The following MAPKAP1 variants were observed in gnomAD, a reference collection of about 807,000 sequenced individuals.
MAPKAP1 encodes the protein MAPK associated protein 1.
MAPKAP1 carries 20 observed loss-of-function variants against 65.7 expected under a neutral mutation model. That is an observed-to-expected ratio of 0.30 (90% CI 0.21 to 0.44). The LOEUF is 0.44. Among genes scored for constraint, MAPKAP1 ranks in the 20% least tolerant of loss-of-function variants. The pLI is 1.00. For missense variants in MAPKAP1, 423 were observed against 648.0 expected (o/e 0.65, Z 3.77); for synonymous variants, 222 against 244.3 (o/e 0.91, Z 0.85).
intron 7 of MAPKAP1, among the ~76,000 whole-genome samples, chr9:125,511,954 G>A (rs888274532): frequency 6.6e-6 from 1 of 152,142 alleles, no homozygotes; most frequent in Non-Finnish European, 1.5e-5. Context: ...GAATGGCCTA[G>A]GAACAAAATA....
intron 8 of MAPKAP1, among the ~76,000 whole-genome samples, chr9:125,485,267 A>G (rs1337923240): frequency 6.6e-6 from 1 of 152,152 alleles, no homozygotes; most frequent in Non-Finnish European, 1.5e-5. Flanking sequence ...CCTCCTGGTC[A>G]CCAGGCTCTT....
At chr9:125,578,949 T>G (rs1294385421) in intron 5 of MAPKAP1, among the ~76,000 whole-genome samples, 1 of 152,146 alleles carries the variant, frequency 6.6e-6, no homozygotes, top group African/African-American at 2.4e-5. Flanking sequence ...ACCAAAAAAT[T>G]ATAGCATAGT....
intron 7 of MAPKAP1, among the ~76,000 whole-genome samples, chr9:125,541,747 A>G (rs993227509): frequency 2.0e-5 from 3 of 152,210 alleles, no homozygotes; most frequent in African/African-American, 7.2e-5. Flanking sequence ...ATCCCAGCTA[A>G]CGACTTGTTC....
chr9:125,619,374 T>G (rs918883989), intron 4 of MAPKAP1, among the ~76,000 whole-genome samples: 13 of 151,836 alleles, frequency 8.6e-5, no homozygotes, highest in Admixed American at 6.6e-5. Context: ...TTTACAAAAA[T>G]CTGCATTTTG....
intron 4 of MAPKAP1, among the ~76,000 whole-genome samples, chr9:125,646,851 T>A (rs1336792122): frequency 6.6e-6 from 1 of 152,222 alleles, no homozygotes; most frequent in Non-Finnish European, 1.5e-5. Flanking sequence ...CAGTGAAATT[T>A]TATCACAGCT....
At chr9:125,517,332 C>T (rs1484664674) in intron 7 of MAPKAP1, among the ~76,000 whole-genome samples, 2 of 152,090 alleles carry the variant, frequency 1.3e-5, no homozygotes, top group Non-Finnish European at 1.5e-5. Context: ...GTCCATCAAC[C>T]CTCACAGCAG....
chr9:125,489,671 C>T (rs1193256421), intron 8 of MAPKAP1, among the ~76,000 whole-genome samples: 2 of 152,052 alleles, frequency 1.3e-5, no homozygotes, highest in Admixed American at 1.3e-4. Context: ...AATGAGGCCT[C>T]ACACCTGTCT....
chr9:125,607,020 A>C (rs1013327739), intron 4 of MAPKAP1, among the ~76,000 whole-genome samples: 5 of 152,216 alleles, frequency 3.3e-5, no homozygotes, highest in African/African-American at 1.2e-4. Context: ...CATCTTTCTA[A>C]GCCTCAGTTT....
intron 8 of MAPKAP1, among the ~76,000 whole-genome samples, chr9:125,503,411 C>G (rs1387661643): frequency 6.6e-6 from 1 of 152,200 alleles, no homozygotes; most frequent in Non-Finnish European, 1.5e-5. Flanking sequence ...AGGCGTTGAT[C>G]TCTTTTGTTT....
intron 5 of MAPKAP1, chr9:125,573,060 C>T (rs1831284659): frequency 7.1e-6 from 1 of 140,200 alleles, no homozygotes; most frequent in Non-Finnish European, 1.5e-5. Context: ...ATCTTCATCC[C>T]TCTGCAACTC....
intron 4 of MAPKAP1, among the ~76,000 whole-genome samples, chr9:125,616,599 GTTCAAT>G (rs1320278882): frequency 2.0e-5 from 3 of 152,096 alleles, no homozygotes; most frequent in East Asian, 3.9e-4. Context: ...ACAAAAAGAT[GTTCAAT>G]TTCAATTATA....
chr9:125,456,616 C>T (rs1363472391), intron 10 of MAPKAP1, among the ~76,000 whole-genome samples: 1 of 152,180 alleles, frequency 6.6e-6, no homozygotes, highest in Non-Finnish European at 1.5e-5. Context: ...TAACTTATTC[C>T]TTGCTAGCAC....
In MAPKAP1 at chr9:125,529,434, T is replaced by C. The variant is rs1215651718; in HGVS notation, c.958+13625A>G. The stretch of plus-strand genomic sequence containing the variant: ...TGTACCTGAGAGATCTGCATGACCC[T>C]CAGGGATTCTTAGACTTCAGTTACA... On this transcript the variant is annotated intron_variant, in intron 7 of 11. Transcript: ENST00000265960. Among the ~76,000 whole-genome samples the C allele has an allele frequency of 2.7e-5, 4 of 150,720 alleles. No individual in the cohort carries two copies. In the East Asian group the frequency reaches 5.8e-4, roughly 22 times the overall value.
Position 125,705,358 on chromosome 9 carries a change from C to T in MAPKAP1, c.-70+1613G>A, listed in dbSNP as rs758323731. Among the ~76,000 whole-genome samples the T allele has an allele frequency of 4.8e-4, 73 of 152,108 alleles. 1 individual carries two copies. The highest frequency in any genetic ancestry group is 6.8e-3 in the Middle Eastern group (2 of 294). Reference sequence around the variant, plus strand: ...GTTAAAATGATTAAACAATAGAAACCCCTATATAATACCCAAATACTCAAA... The same window carrying T: ...GTTAAAATGATTAAACAATAGAAACTCCTATATAATACCCAAATACTCAAA... On this transcript the variant is annotated intron_variant, in intron 1 of 11. Coordinates refer to ENST00000265960, the MANE Select transcript of MAPKAP1 (RefSeq NM_001006617.3).
At chr9:125,611,576 AGCCCAATGAAT>A (rs1832601707) in intron 4 of MAPKAP1, among the ~76,000 whole-genome samples, 1 of 152,236 alleles carries the variant, frequency 6.6e-6, no homozygotes, top group African/African-American at 2.4e-5. Flanking sequence ...AGATTCAGAA[AGCCCAATGAAT>A]GCAAAAGAAG....
intron 4 of MAPKAP1, among the ~76,000 whole-genome samples, chr9:125,654,565 T>C (rs1361088398): frequency 6.6e-6 from 1 of 152,232 alleles, no homozygotes; most frequent in Non-Finnish European, 1.5e-5. Flanking sequence ...GGCACATGCC[T>C]AAGTACAGCC....
intron 4 of MAPKAP1, among the ~76,000 whole-genome samples, chr9:125,642,282 A>G (rs556574818): frequency 1.8e-4 from 28 of 152,158 alleles, no homozygotes; most frequent in Non-Finnish European, 3.2e-4. Context: ...ATCTCTTTAC[A>G]TTTTGTGTAC....
intron 5 of MAPKAP1, among the ~76,000 whole-genome samples, chr9:125,584,730 A>G (rs151155856): frequency 2.6e-5 from 4 of 152,094 alleles, no homozygotes; most frequent in Non-Finnish European, 4.4e-5. Flanking sequence ...CCCAGCTGAG[A>G]GTCCATTTTT....
intron 4 of MAPKAP1, among the ~76,000 whole-genome samples, chr9:125,605,586 C>T (rs1456108677): frequency 6.6e-6 from 1 of 152,168 alleles, no homozygotes; most frequent in Non-Finnish European, 1.5e-5. Flanking sequence ...AGGAGTGGTA[C>T]CGCACGGCCG....
Sources: allele counts gnomAD v4.1 joint callset (sites outside exome capture counted in the v4.1 genomes callset), GRCh38; gene constraint gnomAD v4.1.1; transcripts MANE v1.5; gene names NCBI Gene and HGNC (gene_info 2026-07-23, HGNC 2026-07-21).